TEX9: variants seen among roughly 807,000 people sequenced by gnomAD.
The protein encoded by TEX9 is testis expressed 9.
In TEX9, 74 loss-of-function variants were observed where a neutral mutation model predicts 59.6. The observed-to-expected ratio is 1.24, with a 90% CI of 1.03 to 1.51. The LOEUF (loss-of-function observed/expected upper bound fraction) is 1.51, where lower values mean the gene tolerates loss of function less well. Among genes scored for constraint, TEX9 ranks in the 40% most tolerant of loss-of-function variants. TEX9 has a pLI of 0.00. For synonymous variants in TEX9, 186 were observed against 152.2 expected (o/e 1.22, Z -1.64); for missense variants, 522 against 447.8 (o/e 1.17, Z -1.49).
At chr15:56,437,829 G>A (rs1382097242) in intron 12 of TEX9, among the ~76,000 whole-genome samples, 3 of 151,980 alleles carry the variant, frequency 2.0e-5, no homozygotes, top group African/African-American at 2.4e-5. Context: ...ATAACAGACA[G>A]ACAGAGAGCC....
At chr15:56,365,794 G>C in intron 2 of TEX9, 124 bp downstream of exon 2, 1 of 1,472,408 alleles carries the variant, frequency 6.8e-7, no homozygotes, top group Non-Finnish European at 9.0e-7. Context: ...TTCCCTTCTC[G>C]TCATCTCGTT....
At chr15:56,247,573 G>A (rs1243546724) in intron 1 of TEX9, among the ~76,000 whole-genome samples, 3 of 152,158 alleles carry the variant, frequency 2.0e-5, no homozygotes, top group African/African-American at 4.8e-5. Flanking sequence ...TGCATAGCAC[G>A]GTGTTGACTC....
intron 1 of TEX9, among the ~76,000 whole-genome samples, chr15:56,258,696 T>C (rs1179938007): frequency 6.6e-6 from 1 of 151,954 alleles, no homozygotes; most frequent in African/African-American, 2.4e-5. Context: ...CTGAGTATGG[T>C]TTATTCTTAT....
rs1471532707 is a variant in TEX9 at position 56,311,802 on chromosome 15, C to G, written c.-106-61639C>G. On this transcript the variant is annotated intron_variant, in intron 1 of 5. Coordinates refer to the TEX9 transcript ENST00000560827. ...CTATTTCTCCACATCCTCTCCAGCACCTGTTGTTTCCTGATTTTTTAATGA... is the reference window on the plus strand; with the variant it reads ...CTATTTCTCCACATCCTCTCCAGCAGCTGTTGTTTCCTGATTTTTTAATGA... 5.7e-4 allele frequency among the ~76,000 whole-genome samples: 84 copies of G among 146,090 alleles called. 1 individual carries two copies. Among genetic ancestry groups the G allele is most frequent in the Middle Eastern group, 3.5e-3 (1 of 288 alleles).
chr15:56,413,249 AATTT>A (rs66528275), intron 10 of TEX9, among the ~76,000 whole-genome samples: 511 of 52,402 alleles, frequency 9.8e-3, no homozygotes, highest in Middle Eastern at 0.031. Flanking sequence ...TAAATAATTT[AATTT>A]ATTTAATTAA....
At chr15:56,280,070 A>G (rs1303637631) in intron 1 of TEX9, among the ~76,000 whole-genome samples, 1 of 152,240 alleles carries the variant, frequency 6.6e-6, no homozygotes, top group African/African-American at 2.4e-5. Context: ...TTGCCCAAAC[A>G]TAGGATAATG....
chr15:56,365,623 A>G (rs768058905), exon 2 of TEX9: 15 of 1,614,046 alleles, frequency 9.3e-6, no homozygotes, highest in Non-Finnish European at 1.3e-5. Context: ...CCGTTCAGCA[A>G]CCCTCTACAC....
intron 1 of TEX9, among the ~76,000 whole-genome samples, chr15:56,353,313 T>G (rs538806212): frequency 3.3e-5 from 5 of 152,344 alleles, no homozygotes; most frequent in African/African-American, 1.2e-4. Flanking sequence ...CTAAGGATGC[T>G]ACAAAAAATA....
At position 56,352,987 on chromosome 15, in the gene TEX9, C is replaced by T. The variant is rs16976871; in HGVS notation, c.-106-20454C>T. Reference sequence around the variant, plus strand: ...CATTGTCTAAACTGTCTTTCCCAGGCTTTCCTATTGTTAGAGGAATTATGT... The same window carrying T: ...CATTGTCTAAACTGTCTTTCCCAGGTTTTCCTATTGTTAGAGGAATTATGT... On this transcript the variant is annotated intron_variant, in intron 1 of 5. Coordinates refer to the TEX9 transcript ENST00000560827. Among the ~76,000 whole-genome samples the T allele has an allele frequency of 5.5e-3, 831 of 152,252 alleles. 6 individuals are homozygous for T. Among genetic ancestry groups the T allele is most frequent in the African/African-American group, 0.019 (786 of 41,538 alleles).
chr15:56,458,574 T>A, the TEX9 span, among the ~76,000 whole-genome samples: 2,969 of 104,618 alleles, frequency 0.028, 107 homozygotes, highest in African/African-American at 0.1. Flanking sequence ...CACAATCATT[T>A]CACTACCCTA....
chr15:56,336,137 G>A (rs766413427), intron 1 of TEX9, among the ~76,000 whole-genome samples: 36 of 152,144 alleles, frequency 2.4e-4, no homozygotes, highest in African/African-American at 7.2e-4. Flanking sequence ...AGTTTGTAGC[G>A]GTGGCAAATT....
chr15:56,265,163 C>CTTTTTTTTTTTTTTTTT (rs201903728), intron 1 of TEX9, among the ~76,000 whole-genome samples: 1 of 134,284 alleles, frequency 7.4e-6, no homozygotes. Flanking sequence ...CCTTTTCTTT[C>CTTTTTTTTTTTTTTTTT]TTTTTTTTTT....
chr15:56,288,902 A>T (rs1391178950), intron 1 of TEX9, among the ~76,000 whole-genome samples: 1 of 152,114 alleles, frequency 6.6e-6, no homozygotes, highest in African/African-American at 2.4e-5. Flanking sequence ...CATAAATCCT[A>T]TAAGCTTTCT....
chr15:56,368,647 T>G (rs1520531), intron 2 of TEX9, among the ~76,000 whole-genome samples: 152,025 of 152,172 alleles, frequency 1, 75,939 homozygotes, highest in Middle Eastern at 1. Flanking sequence ...AATAATTTTT[T>G]GTTCTAGAAA....
Position 56,366,177 on chromosome 15 carries a change from TCATTCTTGGCC to T in TEX9, c.119+514_119+524del, listed in dbSNP as rs1298989673. Among the ~76,000 whole-genome samples the T allele has an allele frequency of 2.0e-5, 3 of 152,314 alleles. No individual in the cohort carries two copies. The East Asian group carries it at 5.8e-4, about 29-fold the overall frequency. On this transcript the variant is annotated intron_variant, in intron 2 of 12. Coordinates refer to ENST00000352903, the Ensembl canonical transcript of TEX9. ...TACAACTATCCTGACAACGGTGCTT[TCATTCTTGGCC>T]CATTCTACTCCTCATCCCCAAGTTT...
At chr15:56,290,422 G>A (rs771844455) in intron 1 of TEX9, among the ~76,000 whole-genome samples, 10 of 151,938 alleles carry the variant, frequency 6.6e-5, no homozygotes, top group Non-Finnish European at 1.3e-4. Context: ...TGGTGTCTCA[G>A]GTATGTTGAT....
intron 1 of TEX9, among the ~76,000 whole-genome samples, chr15:56,261,308 AT>A (rs1397796105): frequency 6.6e-6 from 1 of 151,368 alleles, no homozygotes; most frequent in Admixed American, 6.6e-5. Flanking sequence ...TTAATTTTTG[AT>A]TTTTTTTCTT....
At chr15:56,460,007 A>ATATATATATATATAT in the TEX9 span, among the ~76,000 whole-genome samples, 4 of 27,612 alleles carry the variant, frequency 1.4e-4, 1 homozygote, top group African/African-American at 2.7e-4. Context: ...AAAAAAAAAA[A>ATATATATATATATAT]AAATACATAT....
At chr15:56,245,358 C>CG (rs2043824869) in intron 1 of TEX9, among the ~76,000 whole-genome samples, 1 of 152,196 alleles carries the variant, frequency 6.6e-6, no homozygotes, top group South Asian at 2.1e-4. Context: ...GCCGCCCCCC[C>CG]GCCCCCGGGG....
Sources: gnomAD v4.1 joint callset for allele counts (sites outside exome capture counted in the v4.1 genomes callset) on GRCh38, gnomAD v4.1.1 for gene constraint, MANE v1.5 for transcripts, NCBI Gene and HGNC (gene_info 2026-07-23, HGNC 2026-07-21) for gene names.